The following ATP9B variants were observed in gnomAD, a reference collection of about 807,000 sequenced individuals.
The protein encoded by ATP9B is ATPase phospholipid transporting 9B.
Under a neutral mutation model 146.1 loss-of-function variants are expected in ATP9B, and 110 were observed. The observed-to-expected ratio is 0.75, with a 90% CI of 0.65 to 0.88. The LOEUF (loss-of-function observed/expected upper bound fraction) is 0.88, where lower values mean the gene tolerates loss of function less well. Ranked by LOEUF, ATP9B falls within the 40% of genes least tolerant of loss-of-function variation. The probability of loss-of-function intolerance (pLI) is 0.00; values close to 1 mark genes in which losing one functional copy is unlikely to be tolerated. For missense variants in ATP9B, 1,499 were observed against 1,496.4 expected, an observed-to-expected ratio of 1.00 and a Z score of -0.03; for synonymous variants, 604 against 569.7, an observed-to-expected ratio of 1.06 and a Z score of -0.86.
rs777321377 is a variant in ATP9B, at chr18:79,240,048, G to A, written c.1108-13333G>A. Among the ~76,000 whole-genome samples the A allele has an allele frequency of 4.6e-5, 7 of 152,320 alleles. No individual in the cohort carries two copies. The East Asian group carries it at 9.7e-4, about 21-fold the overall frequency. ...TGGAACCCTCCAGAGTGTTCTCAGC[G>A]CAGCCCACTTTGGTAGCACAGGAGG... On this transcript the variant is annotated intron_variant, in intron 11 of 29. Transcript: ENST00000426216.
At chr18:79,107,896 T>G (rs1237359470) in intron 2 of ATP9B, among the ~76,000 whole-genome samples, 1 of 152,160 alleles carries the variant, frequency 6.6e-6, no homozygotes, top group African/African-American at 2.4e-5. Flanking sequence ...TGGTTTAGTC[T>G]TAGAGAAGTC....
intron 5 of ATP9B, among the ~76,000 whole-genome samples, chr18:79,135,065 A>G (rs952709648): frequency 6.6e-6 from 1 of 152,144 alleles, no homozygotes; most frequent in Non-Finnish European, 1.5e-5. Context: ...TTTTGAAACC[A>G]TGTTTAAAGT....
At chr18:79,292,485 G>A (rs1335044731) in intron 13 of ATP9B, among the ~76,000 whole-genome samples, 3 of 150,902 alleles carry the variant, frequency 2.0e-5, no homozygotes, top group Admixed American at 6.6e-5. Context: ...GTGTTAAGAC[G>A]GCAACAATTC....
intron 12 of ATP9B, among the ~76,000 whole-genome samples, chr18:79,262,989 A>G (rs746442432): frequency 6.6e-6 from 1 of 152,198 alleles, no homozygotes; most frequent in Non-Finnish European, 1.5e-5. Flanking sequence ...ATTTATTTTA[A>G]TCTATCAAAA....
chr18:79,073,870 G>A (rs1719962609), intron 1 of ATP9B, among the ~76,000 whole-genome samples: 1 of 152,134 alleles, frequency 6.6e-6, no homozygotes, highest in African/African-American at 2.4e-5. Flanking sequence ...TATAATTAAT[G>A]CCAGTATCTG....
At chr18:79,234,871 A>G (rs980577835) in intron 11 of ATP9B, among the ~76,000 whole-genome samples, 3 of 152,016 alleles carry the variant, frequency 2.0e-5, no homozygotes, top group Non-Finnish European at 4.4e-5. Context: ...AGCTTATTGC[A>G]TATTATTTAT....
At chr18:79,362,273 G>A (rs957953369) in intron 26 of ATP9B, 7 of 152,214 alleles carry the variant, frequency 4.6e-5, no homozygotes, top group African/African-American at 1.4e-4. Context: ...GTCCTAATGA[G>A]TTAGCCAACC....
In ATP9B at chr18:79,247,166, G is replaced by T. The variant is rs760906830; in HGVS notation, c.1108-6215G>T. Among the ~76,000 whole-genome samples the T allele has an allele frequency of 2.0e-5, 3 of 152,322 alleles. No individual in the cohort carries two copies. The East Asian group carries it at 5.8e-4, about 29-fold the overall frequency. On this transcript the variant is annotated intron_variant, in intron 11 of 29. Coordinates refer to ENST00000426216, the MANE Select transcript of ATP9B (RefSeq NM_198531.5). ...TTCCAGCCACTGTGTTGCTTTGCAT[G>T]TGCTGACCTTTCATATATTGATTTA...
intron 5 of ATP9B, among the ~76,000 whole-genome samples, chr18:79,136,331 C>G (rs951026252): frequency 1.3e-5 from 2 of 152,100 alleles, no homozygotes; most frequent in Non-Finnish European, 2.9e-5. Context: ...ATTTTTTTCT[C>G]AGCAGTGTTT....
At chr18:79,191,194 C>A (rs2095363097) in intron 8 of ATP9B, among the ~76,000 whole-genome samples, 1 of 152,136 alleles carries the variant, frequency 6.6e-6, no homozygotes, top group South Asian at 2.1e-4. Flanking sequence ...AATGAGAAAT[C>A]AGTGGTATTT....
chr18:79,370,400 A>AG (rs2097062344), intron 26 of ATP9B, among the ~76,000 whole-genome samples: 1 of 152,234 alleles, frequency 6.6e-6, no homozygotes, highest in Non-Finnish European at 1.5e-5. Context: ...ACTCCACTCC[A>AG]GGCATTCCAC....
intron 13 of ATP9B, among the ~76,000 whole-genome samples, chr18:79,277,531 A>C (rs1287163543): frequency 6.6e-6 from 1 of 152,150 alleles, no homozygotes; most frequent in East Asian, 1.9e-4. Context: ...TAAGAGCAAG[A>C]ATTCCATGTT....
intron 12 of ATP9B, chr18:79,254,204 G>C (rs181806583): frequency 6.6e-6 from 1 of 152,324 alleles, no homozygotes; most frequent in African/African-American, 2.4e-5. Context: ...TATGAATCTA[G>C]AATATCTACC....
chr18:79,347,324 G>A (rs997818193), intron 23 of ATP9B, among the ~76,000 whole-genome samples: 4 of 152,238 alleles, frequency 2.6e-5, no homozygotes, highest in Non-Finnish European at 5.9e-5. Flanking sequence ...TTGTGAAAGA[G>A]GGGATAGATT....
intron 1 of ATP9B, among the ~76,000 whole-genome samples, chr18:79,084,830 CAG>C (rs886555400): frequency 2.0e-5 from 3 of 152,070 alleles, no homozygotes; most frequent in African/African-American, 7.2e-5. Context: ...CTTTAGGACA[CAG>C]TGTATTTAAA....
At chr18:79,246,734 C>T (rs558066955) in intron 11 of ATP9B, among the ~76,000 whole-genome samples, 35 of 152,342 alleles carry the variant, frequency 2.3e-4, no homozygotes, top group South Asian at 2.1e-3. Context: ...TCCCCGCGCT[C>T]CCTGGCTTCC....
At chr18:79,083,855 C>A (rs2073524663) in intron 1 of ATP9B, among the ~76,000 whole-genome samples, 1 of 151,312 alleles carries the variant, frequency 6.6e-6, no homozygotes, top group African/African-American at 2.4e-5. Flanking sequence ...TTCCTATTGA[C>A]CATCTTCTTC....
intron 6 of ATP9B, among the ~76,000 whole-genome samples, chr18:79,149,370 CAATT>C (rs927341736): frequency 2.0e-5 from 3 of 151,560 alleles, no homozygotes; most frequent in Non-Finnish European, 1.5e-5. Flanking sequence ...GGTGTGAAAA[CAATT>C]AAGTGGAGAA....
intron 12 of ATP9B, among the ~76,000 whole-genome samples, chr18:79,273,637 C>A (rs1235136971): frequency 6.6e-6 from 1 of 152,184 alleles, no homozygotes; most frequent in Non-Finnish European, 1.5e-5. Context: ...GGACTGGGTT[C>A]ACCTGGTAGT....
Sources: allele counts gnomAD v4.1 joint callset (sites outside exome capture counted in the v4.1 genomes callset), GRCh38; gene constraint gnomAD v4.1.1; transcripts MANE v1.5; gene names NCBI Gene and HGNC (gene_info 2026-07-23, HGNC 2026-07-21).